Variants in CCDC158 observed in about 807,000 individuals in gnomAD.
CCDC158 encodes coiled-coil domain-containing protein 158.
In CCDC158, 116 loss-of-function variants were observed where a neutral mutation model predicts 138.6. That is an observed-to-expected ratio of 0.84 (90% CI 0.72 to 0.98). The LOEUF (loss-of-function observed/expected upper bound fraction) is 0.98, where lower values mean the gene tolerates loss of function less well. Among genes scored for constraint, CCDC158 ranks in the 50% least tolerant of loss-of-function variants. CCDC158 has a pLI of 0.00. For missense variants in CCDC158, 1,265 were observed against 1,306.1 expected (o/e 0.97, Z 0.48); for synonymous variants, 436 against 442.4 (o/e 0.99, Z 0.18).
chr4:76,398,773 C>T (rs1284529021), intron 3 of CCDC158, among the ~76,000 whole-genome samples: 1 of 151,084 alleles, frequency 6.6e-6, no homozygotes, highest in Non-Finnish European at 1.5e-5. Context: ...AGAATGGGGA[C>T]ATTCTATGAT....
chr4:76,323,125 C>T (rs1405881353), intron 24 of CCDC158, among the ~76,000 whole-genome samples, 177 bp downstream of exon 24: 1 of 152,164 alleles, frequency 6.6e-6, no homozygotes, highest in Non-Finnish European at 1.5e-5. Flanking sequence ...GTGACCTGCC[C>T]ATGGTCACAC....
rs775942552 is a variant in CCDC158, at chr4:76,384,292, T to C, written c.522A>G (p.Gln174=). The C allele has an allele frequency of 8.7e-6, 14 of 1,614,048 alleles. No homozygotes were observed. The East Asian group carries it at 2.9e-4, about 33-fold the overall frequency. Residue 174 remains glutamine (Q), a synonymous_variant, in exon 6 of 25, where the codon CAA becomes CAG. Coordinates refer to ENST00000682701, the MANE Select transcript of CCDC158 (RefSeq NM_001394954.1). The part of the protein sequence containing the change: ...MLKDSNTQIE[Q]LRKMMLSHEG... ...CATGACTAAGCATCATTTTTCGTAG[T>C]TGCTCTATCTGTGTGTTGCTGTCTT...
chr4:76,324,591 A>C (rs2110083012), intron 23 of CCDC158, among the ~76,000 whole-genome samples: 1 of 152,248 alleles, frequency 6.6e-6, no homozygotes, highest in East Asian at 1.9e-4. Context: ...ATGTAACAAA[A>C]ATTAATAATG....
In CCDC158 at chr4:76,348,004, G is replaced by T. The variant is rs149283800; in HGVS notation, c.2664+2992C>A. Among the ~76,000 whole-genome samples, 370 of 152,242 alleles carry T rather than the reference G, an allele frequency of 2.4e-3. 3 individuals are homozygous for T. The highest frequency in any genetic ancestry group is 8.4e-3 in the African/African-American group (348 of 41,538). The stretch of plus-strand genomic sequence containing the variant: ...AAATTTACTGTTCACAGTTCAGGCT[G>T]GGAAGTGCAAGATCAAGATGCCAGC... On this transcript the variant is annotated intron_variant, in intron 18 of 24. Coordinates refer to ENST00000682701, the MANE Select transcript of CCDC158 (RefSeq NM_001394954.1).
At chr4:76,372,642 T>G (rs1303993943) in intron 9 of CCDC158, among the ~76,000 whole-genome samples, 4 of 152,162 alleles carry the variant, frequency 2.6e-5, no homozygotes, top group African/African-American at 9.7e-5. Flanking sequence ...AAGGATGAAT[T>G]TATATATATT....
rs180974490 is a variant in CCDC158, at chr4:76,323,240, T to C, written c.3277+62A>G. On this transcript the variant is annotated intron_variant, in intron 24 of 24. Transcript: ENST00000682701. Reference sequence around the variant, plus strand: ...GCAGGTCTATAGACAGGAGGCTTAATCTGAAAAGAAGGTGAACATTCTCAT... The same window carrying C: ...GCAGGTCTATAGACAGGAGGCTTAACCTGAAAAGAAGGTGAACATTCTCAT... 8.4e-5 allele frequency: 102 copies of C among 1,217,958 alleles called. No homozygotes were observed. The African/African-American group carries it at 1.4e-3, about 16-fold the overall frequency. 75.4% of individuals were successfully genotyped at this position (1,217,958 alleles called of 1,614,324 possible). A position where few individuals can be genotyped will look rare whatever the true frequency, so the allele number is the denominator to read the frequency against.
Position 76,367,722 on chromosome 4 carries a change from C to T in CCDC158, c.1402G>A (p.Ala468Thr). 1 of 1,613,722 alleles carries T rather than the reference C, an allele frequency of 6.2e-7. No homozygotes were observed. The highest frequency in any genetic ancestry group is 1.3e-5 in the African/African-American group (1 of 75,022). ...ESLEKVSSLT[A>T]QLESTKEMLR... ...ATCTCTTTGGTGGATTCAAGCTGAGCAGTCAAGGAGGATACTTTTTCTAGA... is the reference window on the plus strand; with the variant it reads ...ATCTCTTTGGTGGATTCAAGCTGAGTAGTCAAGGAGGATACTTTTTCTAGA... The change falls in exon 12 of 25, where the codon GCT becomes ACT. Residue 468 changes from alanine to threonine, a missense_variant. By Grantham distance (58) the Ala-to-Thr change is moderately conservative. Transcript: ENST00000682701.
intron 13 of CCDC158, among the ~76,000 whole-genome samples, chr4:76,359,328 C>T (rs1723899337): frequency 6.6e-6 from 1 of 152,174 alleles, no homozygotes; most frequent in African/African-American, 2.4e-5. Flanking sequence ...AGGTAGGATA[C>T]TGCTCTACAG....
chr4:76,350,964 T>C, intron 18 of CCDC158, 32 bp downstream of exon 18: 1 of 1,598,636 alleles, frequency 6.3e-7, no homozygotes, highest in South Asian at 1.1e-5. Context: ...CATATGTCAT[T>C]TGCGTAATGG....
intron 18 of CCDC158, 42 bp downstream of exon 18, chr4:76,350,954 C>A: frequency 6.3e-7 from 1 of 1,577,606 alleles, no homozygotes; most frequent in African/African-American, 1.4e-5. Flanking sequence ...ATTACTTACG[C>A]ATATGTCATT....
At chr4:76,365,044 T>C (rs1724522589) in intron 12 of CCDC158, among the ~76,000 whole-genome samples, 2 of 152,340 alleles carry the variant, frequency 1.3e-5, no homozygotes, top group South Asian at 2.1e-4. Flanking sequence ...ACCTGAGGCA[T>C]CACAACACAC....
intron 3 of CCDC158, among the ~76,000 whole-genome samples, chr4:76,397,517 A>T (rs1052450704): frequency 6.6e-6 from 1 of 152,236 alleles, no homozygotes; most frequent in Non-Finnish European, 1.5e-5. Flanking sequence ...ATTAGAACAC[A>T]GTGTTAACAT....
At chr4:76,398,985 A>G (rs1269961615) in intron 3 of CCDC158, among the ~76,000 whole-genome samples, 1 of 152,188 alleles carries the variant, frequency 6.6e-6, no homozygotes, top group East Asian at 1.9e-4. Context: ...TTTAAATATG[A>G]ACACATTAGA....
chr4:76,339,498 G>C (rs1721852313), intron 18 of CCDC158, among the ~76,000 whole-genome samples: 2 of 152,352 alleles, frequency 1.3e-5, no homozygotes. Context: ...CAAGTCTATT[G>C]ATGTTAACAA....
At position 76,332,233 on chromosome 4, in the gene CCDC158, G is replaced by A. The variant is rs139125866; in HGVS notation, c.2882+199C>T. Among the ~76,000 whole-genome samples the A allele has an allele frequency of 6.2e-3, 944 of 152,222 alleles. 5 individuals are homozygous for A. Among genetic ancestry groups the A allele is most frequent in the Middle Eastern group, 0.014 (4 of 294 alleles). On this transcript the variant is annotated intron_variant, in intron 20 of 24. Transcript: ENST00000682701. ...CATCAGCAAATTTTAAAGAAAAAAT[G>A]TCTATTGAGTTGATTTCTAGAAACT...
At chr4:76,356,230 G>T (rs1373918254) in intron 14 of CCDC158, among the ~76,000 whole-genome samples, 1 of 152,034 alleles carries the variant, frequency 6.6e-6, no homozygotes, top group African/African-American at 2.4e-5. Flanking sequence ...TATCTAAACT[G>T]TCAAAACAGG....
intron 3 of CCDC158, chr4:76,402,286 T>G (rs1728465315): frequency 6.6e-6 from 1 of 152,294 alleles, no homozygotes; most frequent in Non-Finnish European, 1.5e-5. Context: ...CCCTTTCTAG[T>G]TCTCTTCCAC....
chr4:76,361,540 G>C (rs1328755516), intron 13 of CCDC158, among the ~76,000 whole-genome samples: 1 of 152,104 alleles, frequency 6.6e-6, no homozygotes, highest in Non-Finnish European at 1.5e-5. Context: ...CCAACCTGGT[G>C]GACAGAGTGA....
At chr4:76,370,948 A>G (rs1725176430) in intron 10 of CCDC158, among the ~76,000 whole-genome samples, 1 of 151,442 alleles carries the variant, frequency 6.6e-6, no homozygotes, top group South Asian at 2.1e-4. Context: ...GGGGATTCCA[A>G]ACATTTCCTT....
Sources: allele counts gnomAD v4.1 joint callset (sites outside exome capture counted in the v4.1 genomes callset), GRCh38; gene constraint gnomAD v4.1.1; transcripts MANE v1.5; gene names NCBI Gene and HGNC (gene_info 2026-07-23, HGNC 2026-07-21).